Variants in LSAMP observed in about 807,000 individuals in gnomAD.
LSAMP encodes the protein limbic system-associated membrane protein.
Under a neutral mutation model 38.6 loss-of-function variants are expected in LSAMP, and 7 were observed. That is an observed-to-expected ratio of 0.18 (90% CI 0.10 to 0.34). The LOEUF is 0.34. Ranked by LOEUF, LSAMP falls within the 10% of genes least tolerant of loss-of-function variation. LSAMP has a pLI of 1.00. For missense variants in LSAMP, 313 were observed against 420.0 expected (o/e 0.75, Z 2.23); for synonymous variants, 154 against 166.8 (o/e 0.92, Z 0.59).
chr3:116,130,987 C>CT lies in LSAMP; in HGVS notation c.156-44432dup, dbSNP rs148232332. 7.4e-3 allele frequency among the ~76,000 whole-genome samples: 830 copies of CT among 112,622 alleles called. 3 individuals are homozygous for CT. Among genetic ancestry groups the CT allele is most frequent in the East Asian group, 0.013 (55 of 4,214 alleles). 73.9% of individuals were successfully genotyped at this position (112,622 alleles called of 152,430 possible). On this transcript the variant is annotated intron_variant, in intron 1 of 6. Coordinates refer to ENST00000490035, the MANE Select transcript of LSAMP (RefSeq NM_002338.5). ...GGTAACAACTGTTTAAGGTTCCACA[C>CT]TTTTTTTTTTTTTTTTTTTTTGAGA... is the stretch of plus-strand genomic sequence containing the variant.
intron 1 of LSAMP, among the ~76,000 whole-genome samples, chr3:116,355,249 TA>T (rs1195422077): frequency 6.6e-6 from 1 of 152,104 alleles, no homozygotes; most frequent in Non-Finnish European, 1.5e-5. Context: ...ATTCTTTTCT[TA>T]AAAAAATAAG....
intron 1 of LSAMP, among the ~76,000 whole-genome samples, chr3:116,118,333 T>G (rs1708799437): frequency 6.6e-6 from 1 of 152,188 alleles, no homozygotes. Flanking sequence ...TCCAGTAGTA[T>G]TTGGTGCTGT....
intron 1 of LSAMP, among the ~76,000 whole-genome samples, chr3:116,125,384 CTTCA>C (rs1206835914): frequency 2.7e-5 from 4 of 150,428 alleles, no homozygotes; most frequent in African/African-American, 7.4e-5. Flanking sequence ...CACGAGTTTC[CTTCA>C]TTGTTTTTTT....
At chr3:116,348,710 A>C (rs1159771871) in intron 1 of LSAMP, among the ~76,000 whole-genome samples, 3 of 152,174 alleles carry the variant, frequency 2.0e-5, no homozygotes, top group Non-Finnish European at 1.5e-5. Context: ...TGCATTCAAA[A>C]CATCTTTTCT....
intron 2 of LSAMP, among the ~76,000 whole-genome samples, chr3:116,033,850 A>G (rs987718721): frequency 6.6e-6 from 1 of 152,078 alleles, no homozygotes; most frequent in Non-Finnish European, 1.5e-5. Context: ...TGTGCCTGAG[A>G]ATGGGTCGGA....
chr3:116,185,866 G>C (rs1353787434), intron 1 of LSAMP, among the ~76,000 whole-genome samples: 1 of 148,772 alleles, frequency 6.7e-6, no homozygotes, highest in Non-Finnish European at 1.5e-5. Context: ...AGGAGTTGGG[G>C]TAAAAGGCGG....
intron 3 of LSAMP, among the ~76,000 whole-genome samples, chr3:115,872,743 T>C (rs1217052356): frequency 6.6e-6 from 1 of 152,154 alleles, no homozygotes; most frequent in Non-Finnish European, 1.5e-5. Context: ...GTAGTACAAA[T>C]ATTTAATCCC....
At chr3:116,013,909 T>C (rs1422077525) in intron 3 of LSAMP, among the ~76,000 whole-genome samples, 1 of 152,158 alleles carries the variant, frequency 6.6e-6, no homozygotes, top group South Asian at 2.1e-4. Context: ...CTTCCCCTAT[T>C]TTCTTGGCTA....
At chr3:116,174,125 C>A (rs1213805444) in intron 1 of LSAMP, among the ~76,000 whole-genome samples, 1 of 151,922 alleles carries the variant, frequency 6.6e-6, no homozygotes, top group Admixed American at 6.6e-5. Flanking sequence ...AATATTATGA[C>A]CCAAAAGATT....
At chr3:116,232,474 GA>G (rs1375755032) in intron 1 of LSAMP, among the ~76,000 whole-genome samples, 1 of 152,110 alleles carries the variant, frequency 6.6e-6, no homozygotes, top group Non-Finnish European at 1.5e-5. Flanking sequence ...GATGTTTAGA[GA>G]AAAATGTTCA....
At chr3:116,399,342 T>C (rs1035303459) in intron 1 of LSAMP, among the ~76,000 whole-genome samples, 10 of 152,122 alleles carry the variant, frequency 6.6e-5, no homozygotes, top group Admixed American at 3.3e-4. Context: ...TTGAATACCA[T>C]TGGAGGTGCT....
chr3:115,887,503 C>A (rs1246617366), intron 3 of LSAMP, among the ~76,000 whole-genome samples: 2 of 151,844 alleles, frequency 1.3e-5, no homozygotes, highest in African/African-American at 4.8e-5. Context: ...TCAAATGTTG[C>A]TCTTTTGGTT....
intron 1 of LSAMP, among the ~76,000 whole-genome samples, chr3:116,378,526 G>T (rs1406750048): frequency 4.6e-5 from 7 of 152,042 alleles, no homozygotes. Context: ...AAGTCATAAA[G>T]AGCTACACTG....
chr3:116,440,500 G>T (rs942304711), intron 1 of LSAMP, among the ~76,000 whole-genome samples: 2 of 152,100 alleles, frequency 1.3e-5, no homozygotes, highest in East Asian at 1.9e-4. Flanking sequence ...CCTGTGTATT[G>T]TATGTGTGTA....
chr3:116,268,791 T>A (rs1208990668), intron 1 of LSAMP, among the ~76,000 whole-genome samples: 1 of 152,034 alleles, frequency 6.6e-6, no homozygotes, highest in African/African-American at 2.4e-5. Flanking sequence ...TTTAAAAAAA[T>A]ATTATTATTC....
At chr3:116,071,049 TAAATAATA>T (rs1454802882) in intron 2 of LSAMP, among the ~76,000 whole-genome samples, 1,856 of 137,282 alleles carry the variant, frequency 0.014, 34 homozygotes, top group African/African-American at 0.048. Flanking sequence ...TCAAAATAAA[TAAATAATA>T]AATAAATAAA....
chr3:116,231,057 T>G (rs1025342571), intron 1 of LSAMP, among the ~76,000 whole-genome samples: 1 of 152,168 alleles, frequency 6.6e-6, no homozygotes, highest in African/African-American at 2.4e-5. Context: ...GAAGCTATAC[T>G]TTCTCTGATT....
At chr3:116,107,908 A>G (rs939977022) in intron 1 of LSAMP, among the ~76,000 whole-genome samples, 17 of 152,202 alleles carry the variant, frequency 1.1e-4, no homozygotes, top group African/African-American at 3.1e-4. Flanking sequence ...TTGATAAGGC[A>G]TAGATCCTGA....
chr3:116,340,695 C>A (rs2047980786), intron 1 of LSAMP, among the ~76,000 whole-genome samples: 1 of 151,908 alleles, frequency 6.6e-6, no homozygotes, highest in Non-Finnish European at 1.5e-5. Flanking sequence ...ATAAAAATAT[C>A]AGTATAGATC....
Sources: gnomAD v4.1 joint callset for allele counts (sites outside exome capture counted in the v4.1 genomes callset) on GRCh38, gnomAD v4.1.1 for gene constraint, MANE v1.5 for transcripts, NCBI Gene and HGNC (gene_info 2026-07-23, HGNC 2026-07-21) for gene names.